SP100: variants seen among roughly 807,000 people sequenced by gnomAD.
The protein encoded by SP100 is SP100 nuclear body protein.
A neutral mutation model predicts 130.0 loss-of-function variants in SP100; 84 were observed. The ratio of observed to expected loss-of-function variants is 0.65; its 90% confidence interval spans 0.54 to 0.77. The LOEUF is 0.77. Ranked by LOEUF, SP100 falls within the 30% of genes least tolerant of loss-of-function variation. The pLI, the probability that SP100 is intolerant of heterozygous loss-of-function variation, is 0.00. For synonymous variants in SP100, 331 were observed against 351.7 expected (o/e 0.94, Z 0.66); for missense variants, 978 against 1,052.2 (o/e 0.93, Z 0.97).
rs76724495 is a variant in SP100, at chr2:230,524,194, A to G, written c.2094+13028A>G. ...ACTAAAAATACAAAAAAAAAAAAAA[A>G]AAAAAAAGAAAATTAGCCAGGCGTG... is the stretch of plus-strand genomic sequence containing the variant. On this transcript the variant is annotated intron_variant, in intron 24 of 28. Transcript: ENST00000340126. 6.2e-5 allele frequency among the ~76,000 whole-genome samples: 9 copies of G among 144,114 alleles called. No homozygotes were observed. In the East Asian group the frequency reaches 1.0e-3, roughly 16 times the overall value. 94.5% of individuals were successfully genotyped at this position (144,114 alleles called of 152,430 possible). A position where few individuals can be genotyped will look rare whatever the true frequency, so the allele number is the denominator to read the frequency against.
chr2:230,534,835 TTAAC>T (rs528432223), intron 24 of SP100, among the ~76,000 whole-genome samples: 97 of 152,348 alleles, frequency 6.4e-4, no homozygotes, highest in African/African-American at 2.3e-3. Context: ...AACTGTGTCT[TTAAC>T]TATGGCTTGC....
rs1220821876 is a variant in SP100 at position 230,417,639 on chromosome 2, T to G, written c.81T>G (p.Leu27=). 1.2e-6 allele frequency: 2 copies of G among 1,613,000 alleles called. No homozygotes were observed. Among genetic ancestry groups the G allele is most frequent in the African/African-American group, 2.7e-5 (2 of 74,936 alleles). The change falls in exon 2 of 29, where the codon CTT becomes CTG. Residue 27 remains leucine (L), a synonymous_variant. Transcript: ENST00000340126. ...ISPVANEMNH[L]PAHSHDLQRM... Reference sequence around the variant, plus strand: ...CAGTAGCAAATGAGATGAACCATCTTCCTGCACACAGCCACGATTTGCAAA... The same window carrying G: ...CAGTAGCAAATGAGATGAACCATCTGCCTGCACACAGCCACGATTTGCAAA...
chr2:230,476,019 G>T (rs2150005906), intron 17 of SP100, among the ~76,000 whole-genome samples: 1 of 152,260 alleles, frequency 6.6e-6, no homozygotes, highest in Non-Finnish European at 1.5e-5. Context: ...TGGCTATTCA[G>T]GCTCTTTTAT....
intron 2 of SP100, among the ~76,000 whole-genome samples, chr2:230,438,827 G>T (rs185304320): frequency 6.6e-6 from 1 of 152,030 alleles, no homozygotes; most frequent in Admixed American, 6.6e-5. Context: ...CTATAAACGC[G>T]TGTGCAAATG....
chr2:230,514,444 G>A (rs921025779), intron 24 of SP100, among the ~76,000 whole-genome samples: 2 of 152,070 alleles, frequency 1.3e-5, no homozygotes, highest in Non-Finnish European at 2.9e-5. Flanking sequence ...TTATAGCCAG[G>A]AAATAATTAA....
chr2:230,491,668 A>G (rs2066397993), intron 17 of SP100, among the ~76,000 whole-genome samples: 1 of 152,204 alleles, frequency 6.6e-6, no homozygotes, highest in South Asian at 2.1e-4. Flanking sequence ...AGAACTGACT[A>G]TCATGAGACC....
intron 24 of SP100, among the ~76,000 whole-genome samples, chr2:230,521,701 A>G (rs1691178604): frequency 6.6e-6 from 1 of 152,172 alleles, no homozygotes; most frequent in Non-Finnish European, 1.5e-5. Context: ...GACAGTAAAC[A>G]TGTTGCTTGT....
intron 18 of SP100, among the ~76,000 whole-genome samples, chr2:230,495,445 G>A (rs1258845889): frequency 3.9e-5 from 6 of 152,080 alleles, no homozygotes; most frequent in Admixed American, 2.0e-4. Context: ...TCAGCCTCCC[G>A]AGTAGCTGGG....
chr2:230,474,103 T>C (rs578139359), intron 16 of SP100, among the ~76,000 whole-genome samples: 1 of 152,332 alleles, frequency 6.6e-6, no homozygotes, highest in Non-Finnish European at 1.5e-5. Flanking sequence ...AAGTAAGATA[T>C]TTAATATTCA....
intron 24 of SP100, among the ~76,000 whole-genome samples, chr2:230,523,791 C>T (rs1022781169): frequency 6.6e-6 from 1 of 151,812 alleles, no homozygotes; most frequent in African/African-American, 2.4e-5. Flanking sequence ...TGCCTATAAT[C>T]CCAGCTACTC....
intron 2 of SP100, among the ~76,000 whole-genome samples, chr2:230,431,158 G>A (rs971761151): frequency 1.3e-5 from 2 of 152,224 alleles, no homozygotes; most frequent in Non-Finnish European, 1.5e-5. Flanking sequence ...CACAGTACCA[G>A]CATGACAATC....
At chr2:230,513,066 C>T (rs1690712612) in intron 24 of SP100, among the ~76,000 whole-genome samples, 1 of 152,210 alleles carries the variant, frequency 6.6e-6, no homozygotes, top group Non-Finnish European at 1.5e-5. Flanking sequence ...CACTCACTCG[C>T]CCACCACTAA....
At chr2:230,524,598 T>C (rs1346095729) in intron 24 of SP100, among the ~76,000 whole-genome samples, 1 of 152,116 alleles carries the variant, frequency 6.6e-6, no homozygotes, top group Admixed American at 6.6e-5. Flanking sequence ...ATAAAGAATC[T>C]TATAAACTAC....
At chr2:230,463,889 A>T (rs1427382675) in intron 10 of SP100, 178 bp from the exon 11 acceptor site, 1 of 489,674 alleles carries the variant, frequency 2.0e-6, no homozygotes, top group Non-Finnish European at 3.8e-6. Context: ...ACAAGAATGG[A>T]GTATCACTAA....
chr2:230,479,059 G>A (rs147509548), intron 17 of SP100, among the ~76,000 whole-genome samples: 3,743 of 152,286 alleles, frequency 0.025, 177 homozygotes, highest in African/African-American at 0.086. Context: ...GACCTCAGGT[G>A]ATCCACCCGC....
At position 230,416,870 on chromosome 2, in the gene SP100, A is replaced by T. The variant is rs1216414071; in HGVS notation, c.32+542A>T. 7 of 985,408 alleles carry T rather than the reference A, an allele frequency of 7.1e-6. No individual in the cohort carries two copies. In the South Asian group the frequency reaches 3.3e-4, roughly 46 times the overall value. The allele number at this position is 985,408 out of a possible 1,614,324, so 61.0% of individuals were successfully genotyped here. ...TTGATCAAAAGAAGGAAAGGGAAGA[A>T]AAAGGCCCAGGGTGACAAACGGCTA... is the stretch of plus-strand genomic sequence containing the variant. On this transcript the variant is annotated intron_variant, in intron 1 of 28. Coordinates refer to ENST00000340126, the MANE Select transcript of SP100 (RefSeq NM_001080391.2).
At chr2:230,534,926 G>A (rs1270539034) in intron 24 of SP100, among the ~76,000 whole-genome samples, 3 of 152,176 alleles carry the variant, frequency 2.0e-5, no homozygotes, top group Admixed American at 1.3e-4. Context: ...GCCGGGCATG[G>A]TGGCTCACGC....
intron 2 of SP100, among the ~76,000 whole-genome samples, chr2:230,422,362 A>G (rs1306049163): frequency 6.6e-6 from 1 of 152,134 alleles, no homozygotes; most frequent in East Asian, 1.9e-4. Context: ...GTCCATTCAC[A>G]TTTCGGAATG....
At chr2:230,523,374 A>T (rs35485737) in intron 24 of SP100, among the ~76,000 whole-genome samples, 27,461 of 152,190 alleles carry the variant, frequency 0.18, 2,982 homozygotes, top group African/African-American at 0.3. Context: ...GGCTTATTTT[A>T]AAAAAGTGCT....
Sources: allele counts gnomAD v4.1 joint callset (sites outside exome capture counted in the v4.1 genomes callset), GRCh38; gene constraint gnomAD v4.1.1; transcripts MANE v1.5; gene names NCBI Gene and HGNC (gene_info 2026-07-23, HGNC 2026-07-21).